Variants in PNKD observed in about 807,000 individuals in gnomAD.
PNKD encodes probable thioesterase PNKD.
In PNKD, 36 loss-of-function variants were observed where a neutral mutation model predicts 45.3. That is an observed-to-expected ratio of 0.80 (90% CI 0.61 to 1.05). PNKD has a LOEUF of 1.05. Ranked by LOEUF, PNKD falls within the 50% of genes least tolerant of loss-of-function variation. The pLI is 0.00. For synonymous variants in PNKD, 197 were observed against 210.1 expected (o/e 0.94, Z 0.54); for missense variants, 511 against 506.6 (o/e 1.01, Z -0.08).
In PNKD at chr2:218,326,050, A is replaced by C. The variant is rs958065494; in HGVS notation, c.237-13733A>C. Among the ~76,000 whole-genome samples the C allele has an allele frequency of 7.0e-6, 1 of 142,214 alleles. No individual in the cohort carries two copies. The highest frequency in any genetic ancestry group is 1.5e-5 in the Non-Finnish European group (1 of 66,000). The allele number at this position is 142,214 out of a possible 152,430, so 93.3% of individuals were successfully genotyped here. A position where few individuals can be genotyped will look rare whatever the true frequency, so the allele number is the denominator to read the frequency against. The stretch of plus-strand genomic sequence containing the variant: ...AGGTGTTGGTGCTAGGGGTGCCTCC[A>C]GGAAGGATGGGGAGGGAGGGGGAAC... On this transcript the variant is annotated intron_variant, in intron 2 of 9. Transcript: ENST00000273077. The surrounding 1 kb of genome is among the most constrained non-coding windows in gnomAD (Gnocchi z 4.1).
At chr2:218,279,079 GCTGACAGGTTCC>G in intron 2 of PNKD, 2 of 1,614,128 alleles carry the variant, frequency 1.2e-6, no homozygotes, top group Non-Finnish European at 1.7e-6. Context: ...TCACAAAGGC[GCTGACAGGTTCC>G]CTGTGGGGCA....
At chr2:218,323,402 GCA>G in intron 2 of PNKD, 1 of 1,574,536 alleles carries the variant, frequency 6.4e-7, no homozygotes. Flanking sequence ...TGCTCATGGC[GCA>G]CAGCCAGCGG....
At chr2:218,305,289 C>T (rs1693377120) in intron 2 of PNKD, among the ~76,000 whole-genome samples, 1 of 152,030 alleles carries the variant, frequency 6.6e-6, no homozygotes, top group Non-Finnish European at 1.5e-5. Flanking sequence ...GAGAGACAAA[C>T]AAGTGGAGGC....
At chr2:218,282,379 C>T (rs1359888361) in intron 2 of PNKD, among the ~76,000 whole-genome samples, 1 of 152,230 alleles carries the variant, frequency 6.6e-6, no homozygotes, top group Non-Finnish European at 1.5e-5. Context: ...TGCCTTTGCG[C>T]CTGCTTCTTG....
At chr2:218,308,353 T>C (rs1312770181) in intron 2 of PNKD, among the ~76,000 whole-genome samples, 3 of 151,510 alleles carry the variant, frequency 2.0e-5, no homozygotes, top group African/African-American at 4.9e-5. Flanking sequence ...TACACCCAAC[T>C]AATTTTTGTA....
At position 218,340,109 on chromosome 2, in the gene PNKD, G is replaced by C. The variant is rs757975746; in HGVS notation, c.433G>C (p.Ala145Pro). 3 of 1,613,684 alleles carry C rather than the reference G, an allele frequency of 1.9e-6. No homozygotes were observed. In the East Asian group the frequency reaches 6.7e-5, roughly 36 times the overall value. The change falls in exon 4 of 10, where the codon GCT becomes CCT. Residue 145 changes from alanine to proline, a missense_variant. Transcript: ENST00000273077. The surrounding 1 kb of genome is among the most constrained non-coding windows in gnomAD (Gnocchi z 4.2). The stretch of plus-strand genomic sequence containing the variant: ...CGACACCCAGGCCCAGCTGGCTGTG[G>C]CTGTGGACCCTTCAGACCCTCGGGC... ...IIDTQAQLAV[A>P]VDPSDPRAVQ...
chr2:218,313,115 T>A (rs940380686), intron 2 of PNKD, among the ~76,000 whole-genome samples: 1 of 151,880 alleles, frequency 6.6e-6, no homozygotes, highest in Non-Finnish European at 1.5e-5. Flanking sequence ...TACAATTTTT[T>A]TTTTTTTGGA....
Position 218,328,718 on chromosome 2 carries a change from A to C in PNKD, c.237-11065A>C, listed in dbSNP as rs149686136. 1.6e-4 allele frequency among the ~76,000 whole-genome samples: 24 copies of C among 152,388 alleles called. No individual in the cohort carries two copies. In the East Asian group the frequency reaches 4.6e-3, roughly 29 times the overall value. Reference sequence around the variant, plus strand: ...AGTTTCTGAATGAATGCATGCGTGCATGAATAAATGAATGAAAAGCTTGGC... The same window carrying C: ...AGTTTCTGAATGAATGCATGCGTGCCTGAATAAATGAATGAAAAGCTTGGC... On this transcript the variant is annotated intron_variant, in intron 2 of 9. Transcript: ENST00000273077.
chr2:218,288,413 A>AGG (rs1692699703), intron 2 of PNKD, among the ~76,000 whole-genome samples: 1 of 152,206 alleles, frequency 6.6e-6, no homozygotes, highest in African/African-American at 2.4e-5. Context: ...TGGGCAACAG[A>AGG]GGGAGACTCT....
intron 2 of PNKD, among the ~76,000 whole-genome samples, chr2:218,305,068 A>G (rs1336284062): frequency 6.6e-6 from 1 of 151,708 alleles, no homozygotes; most frequent in Non-Finnish European, 1.5e-5. Flanking sequence ...GCAAGACTCC[A>G]TCTCAAAAAT....
chr2:218,275,408 T>C, intron 2 of PNKD: 1 of 1,551,742 alleles, frequency 6.4e-7, no homozygotes, highest in Admixed American at 1.9e-5. Context: ...CAGACCACAG[T>C]CATAGGGCCC....
intron 2 of PNKD, among the ~76,000 whole-genome samples, chr2:218,304,889 A>T (rs994623127): frequency 2.0e-5 from 3 of 152,080 alleles, no homozygotes; most frequent in African/African-American, 7.2e-5. Context: ...AGCCTGGCCA[A>T]CATGGTGAAA....
At position 218,340,713 on chromosome 2, in the gene PNKD, T is replaced by G. The variant is rs757708486; in HGVS notation, c.466-15T>G. On this transcript the variant is annotated splice_polypyrimidine_tract_variant and intron_variant, in intron 4 of 9. Coordinates refer to ENST00000273077, the MANE Select transcript of PNKD (RefSeq NM_015488.5). The surrounding 1 kb of genome is among the most constrained non-coding windows in gnomAD (Gnocchi z 4.2). The stretch of plus-strand genomic sequence containing the variant: ...CATCCTGCTCCCCAGTCTCCAAACC[T>G]CCTCTCTCTCGCAGGCTTCCATTGA... The G allele has an allele frequency of 6.2e-7, 1 of 1,611,026 alleles. No homozygotes were observed. The highest frequency in any genetic ancestry group is 8.5e-7 in the Non-Finnish European group (1 of 1,177,408).
In PNKD at chr2:218,282,019, G is replaced by A. The variant is rs374124455; in HGVS notation, c.236+10470G>A. 5.2e-5 allele frequency: 83 copies of A among 1,608,012 alleles called. 1 individual carries two copies. Among genetic ancestry groups the A allele is most frequent in the East Asian group, 4.7e-4 (21 of 44,720 alleles). On this transcript the variant is annotated intron_variant, in intron 2 of 9. Transcript: ENST00000273077. Reference sequence around the variant, plus strand: ...GGTGACCGTAGCCAGGCTGCGGGTAGCCAGGGTAGGCAGGATACCCTCCTG... The same window carrying A: ...GGTGACCGTAGCCAGGCTGCGGGTAACCAGGGTAGGCAGGATACCCTCCTG...
At position 218,345,189 on chromosome 2, in the gene PNKD, C is replaced by T; in HGVS notation, c.*208C>T. 1.7e-6 allele frequency: 1 copy of T among 584,902 alleles called. No individual in the cohort carries two copies. The highest frequency in any genetic ancestry group is 3.0e-6 in the Non-Finnish European group (1 of 329,904). The allele number at this position is 584,902 out of a possible 1,614,324, so 36.2% of individuals were successfully genotyped here. On this transcript the variant is annotated 3_prime_UTR_variant, in exon 10 of 10. Transcript: ENST00000273077. ...GGCCTGTTGGAGGCTGGGAACCCCG[C>T]AGCGCGAGGCTGCCTCATCAACGGC...
chr2:218,270,848 C>T (rs542484096), intron 1 of PNKD: 2 of 390,924 alleles, frequency 5.1e-6, no homozygotes, highest in East Asian at 7.5e-5. Flanking sequence ...TGGACTCCCG[C>T]GCTCCAGGTG....
chr2:218,278,458 C>T, intron 2 of PNKD: 8 of 1,542,822 alleles, frequency 5.2e-6, no homozygotes, highest in East Asian at 2.3e-5. Context: ...CCAAAATACT[C>T]GGCCCCCATC....
chr2:218,284,518 G>A (rs1692343532), intron 2 of PNKD, among the ~76,000 whole-genome samples: 1 of 152,250 alleles, frequency 6.6e-6, no homozygotes, highest in South Asian at 2.1e-4. Flanking sequence ...CCAAGGTTCT[G>A]GTGCAGCTCA....
intron 2 of PNKD, among the ~76,000 whole-genome samples, chr2:218,291,186 G>T (rs2382819): frequency 0.36 from 54,642 of 151,716 alleles, 10,244 homozygotes; most frequent in Middle Eastern, 0.53. Context: ...CTCTCTGAAG[G>T]GCTCATTTTT....
Sources: gnomAD v4.1 joint callset for allele counts (sites outside exome capture counted in the v4.1 genomes callset) on GRCh38, gnomAD v4.1.1 for gene constraint, Gnocchi (gnomAD v3.1) non-coding constraint, MANE v1.5 for transcripts, NCBI Gene and HGNC (gene_info 2026-07-23, HGNC 2026-07-21) for gene names.